FRRS1: variants seen among roughly 807,000 people sequenced by gnomAD.
FRRS1 encodes the protein ferric chelate reductase 1.
Under a neutral mutation model 70.7 loss-of-function variants are expected in FRRS1, and 51 were observed. The ratio of observed to expected loss-of-function variants is 0.72; its 90% CI spans 0.58 to 0.91. The LOEUF (loss-of-function observed/expected upper bound fraction) is 0.91. FRRS1 is among the 40% of genes least tolerant of loss of function. FRRS1 has a pLI of 0.00. For missense variants in FRRS1, 672 were observed against 726.0 expected (o/e 0.93, Z 0.86); for synonymous variants, 225 against 238.7 (o/e 0.94, Z 0.53).
intron 10 of FRRS1, among the ~76,000 whole-genome samples, chr1:99,718,042 T>C (rs897077613): frequency 4.6e-5 from 7 of 152,234 alleles, no homozygotes; most frequent in Non-Finnish European, 4.4e-5. Context: ...AAACTGGAGC[T>C]ACAACATGAG....
In FRRS1 at chr1:99,740,888, T is replaced by C; in HGVS notation, c.481A>G (p.Ile161Val). The part of the protein sequence containing the change: ...KIYWVKIPGP[I>V]ISQPNAFPFT... ...GGAAATGCATTTGGTTGTGAAATTA[T>C]AGGACCAGGAATCTTCACCCAGTAG... is the stretch of plus-strand genomic sequence containing the variant. Residue 161 changes from isoleucine to valine, a missense_variant, in exon 6 of 17, where the codon ATA (isoleucine) becomes GTA (valine). Coordinates refer to ENST00000646001, the MANE Select transcript of FRRS1 (RefSeq NM_001361041.2). 1 of 1,609,920 alleles carries C rather than the reference T, an allele frequency of 6.2e-7. No individual in the cohort carries two copies. The highest frequency in any genetic ancestry group is 8.5e-7 in the Non-Finnish European group (1 of 1,176,152).
In FRRS1 at chr1:99,729,678, C is replaced by G. The variant is rs1391593734; in HGVS notation, c.830G>C (p.Gly277Ala). 1 of 1,612,964 alleles carries G rather than the reference C, an allele frequency of 6.2e-7. No homozygotes were observed. Among genetic ancestry groups the G allele is most frequent in the Non-Finnish European group, 8.5e-7 (1 of 1,179,282 alleles). Residue 277 changes from glycine to alanine, a missense_variant, in exon 8 of 17, where the codon GGG becomes GCG. By Grantham distance (60) the Gly-to-Ala change is moderately conservative (BLOSUM62 0). Transcript: ENST00000646001. ...TVYIQPSHLT[G>A]RSHPVMDSRD... Reference sequence around the variant, plus strand: ...GGAGTCCATTACAGGGTGACTTCGCCCCGTTAAATGGGAAGGCTGGATGTA... The same window carrying G: ...GGAGTCCATTACAGGGTGACTTCGCGCCGTTAAATGGGAAGGCTGGATGTA...
intron 9 of FRRS1, among the ~76,000 whole-genome samples, chr1:99,728,251 T>C (rs549532423): frequency 7.9e-5 from 12 of 151,852 alleles, no homozygotes; most frequent in Non-Finnish European, 1.6e-4. Context: ...ACATGCATTT[T>C]ACTAATCAGA....
At chr1:99,727,149 T>C (rs1192027696) in intron 9 of FRRS1, among the ~76,000 whole-genome samples, 1 of 152,196 alleles carries the variant, frequency 6.6e-6, no homozygotes, top group Non-Finnish European at 1.5e-5. Context: ...ATAATAATAA[T>C]ACACCTCTAG....
chr1:99,750,170 G>T (rs907197160), intron 1 of FRRS1, among the ~76,000 whole-genome samples: 2 of 152,158 alleles, frequency 1.3e-5, no homozygotes, highest in African/African-American at 4.8e-5. Flanking sequence ...AGTGGGGGAA[G>T]AACCTTGAAG....
intron 4 of FRRS1, among the ~76,000 whole-genome samples, chr1:99,744,042 G>A (rs1413045808): frequency 2.9e-5 from 4 of 139,974 alleles, no homozygotes; most frequent in African/African-American, 5.6e-5. Context: ...CAAGATAAAT[G>A]AATCCAGTAT....
chr1:99,749,509 C>T (rs1244820537), intron 1 of FRRS1, among the ~76,000 whole-genome samples: 1 of 152,208 alleles, frequency 6.6e-6, no homozygotes, highest in Non-Finnish European at 1.5e-5. Context: ...ATTTAAATAT[C>T]ATCACCTGAA....
At chr1:99,739,005 G>A (rs567298788) in intron 6 of FRRS1, among the ~76,000 whole-genome samples, 21 of 152,262 alleles carry the variant, frequency 1.4e-4, no homozygotes, top group African/African-American at 5.1e-4. Context: ...TTTCAGAAGA[G>A]AGCTAAACAT....
rs1301137307 is a variant in FRRS1 at position 99,740,925 on chromosome 1, C to T, written c.444G>A (p.Glu148=). ...TCTTCACCCAGTAGATTTTATACTT[C>T]TCAACAACTGTGACTCTGAAATGCA... ...NHTQFLVTVV[E]KYKIYWVKIP... The change falls in exon 6 of 17, where the codon GAG becomes GAA. Residue 148 remains glutamate, a synonymous_variant. Transcript: ENST00000646001. 1.9e-6 allele frequency: 3 copies of T among 1,611,382 alleles called. No individual in the cohort carries two copies. Among genetic ancestry groups the T allele is most frequent in the Non-Finnish European group, 2.5e-6 (3 of 1,177,590 alleles).
intron 12 of FRRS1, 150 bp from the exon 13 acceptor site, chr1:99,712,665 C>T (rs761743333): frequency 1.8e-5 from 10 of 545,218 alleles, no homozygotes; most frequent in Non-Finnish European, 3.0e-5. Context: ...GCAACATTCA[C>T]TGAGTATACA....
chr1:99,718,139 G>GA (rs1359624438), intron 10 of FRRS1, among the ~76,000 whole-genome samples: 1 of 152,118 alleles, frequency 6.6e-6, no homozygotes, highest in Admixed American at 6.5e-5. Context: ...GATAACTCTG[G>GA]AAAATATAAA....
At chr1:99,764,132 C>A (rs1213222116) in intron 1 of FRRS1, among the ~76,000 whole-genome samples, 1 of 152,072 alleles carries the variant, frequency 6.6e-6, no homozygotes, top group Non-Finnish European at 1.5e-5. Flanking sequence ...CAAGTATGAA[C>A]TCATTTCACA....
intron 7 of FRRS1, 143 bp downstream of exon 7, chr1:99,737,943 A>C: frequency 4.7e-6 from 3 of 637,292 alleles, no homozygotes; most frequent in Middle Eastern, 4.3e-4. Context: ...GGGTTTCACC[A>C]TCTCGGCCAG....
rs1208508832 is a variant in FRRS1, at chr1:99,706,389, A to G, written c.*2639T>C. On this transcript the variant is annotated 3_prime_UTR_variant, in exon 17 of 17. Coordinates refer to ENST00000646001, the MANE Select transcript of FRRS1 (RefSeq NM_001361041.2). ...GCACCACTGCACTCCAGCCTGGGCA[A>G]CAGAGTAAGACCCTGTCTCAAAAAA... 6.6e-6 allele frequency among the ~76,000 whole-genome samples: 1 copy of G among 150,748 alleles called. No individual in the cohort carries two copies. The highest frequency in any genetic ancestry group is 1.5e-5 in the Non-Finnish European group (1 of 67,802).
intron 3 of FRRS1, chr1:99,747,733 G>A (rs779936651): frequency 2.0e-5 from 5 of 248,082 alleles, no homozygotes; most frequent in Non-Finnish European, 3.9e-5. Flanking sequence ...GATACCAATT[G>A]GGTACTATGC....
chr1:99,712,317 A>T, intron 13 of FRRS1, 101 bp downstream of exon 13: 1 of 1,014,084 alleles, frequency 9.9e-7, no homozygotes, highest in Non-Finnish European at 1.5e-6. Flanking sequence ...TTTATCACTG[A>T]ATTTTATAAA....
chr1:99,750,704 C>CAG (rs1348834020), intron 1 of FRRS1, among the ~76,000 whole-genome samples: 2 of 148,124 alleles, frequency 1.4e-5, no homozygotes, highest in African/African-American at 5.0e-5. Flanking sequence ...AAAAAGAGAA[C>CAG]AGATCCAAGA....
At position 99,704,814 on chromosome 1, in the gene FRRS1, G is replaced by C. The variant is rs186468664; in HGVS notation, c.*4214C>G. Among the ~76,000 whole-genome samples the C allele has an allele frequency of 6.6e-6, 1 of 152,100 alleles. No homozygotes were observed. Among genetic ancestry groups the C allele is most frequent in the African/African-American group, 2.4e-5 (1 of 41,420 alleles). On this transcript the variant is annotated 3_prime_UTR_variant, in exon 17 of 17. Transcript: ENST00000646001. ...ACTGGCGGAAGGAGGAACAGTTGGC[G>C]GAGTTTGGCCGGGGCAATCAGAGGA... is the stretch of plus-strand genomic sequence containing the variant.
chr1:99,754,421 A>T (rs1656723599), intron 1 of FRRS1, among the ~76,000 whole-genome samples: 2 of 152,042 alleles, frequency 1.3e-5, no homozygotes, highest in Admixed American at 1.3e-4. Context: ...CAAGGTTGCA[A>T]TTAGCTATGG....
Sources: allele counts gnomAD v4.1 joint callset (sites outside exome capture counted in the v4.1 genomes callset), GRCh38; gene constraint gnomAD v4.1.1; transcripts MANE v1.5; gene names NCBI Gene and HGNC (gene_info 2026-07-23, HGNC 2026-07-21).